Variants in ANKRD30BL observed in about 807,000 individuals in gnomAD.
The protein encoded by ANKRD30BL is ankyrin repeat domain 30B like.
In ANKRD30BL, 20 loss-of-function variants were observed where a neutral mutation model predicts 18.4. The ratio of observed to expected loss-of-function variants is 1.09; its 90% CI spans 0.77 to 1.58. The LOEUF (loss-of-function observed/expected upper bound fraction) is 1.58. Ranked by LOEUF, ANKRD30BL falls within the 40% of genes most tolerant of loss-of-function variation. ANKRD30BL has a pLI of 0.00. For missense variants in ANKRD30BL, 224 were observed against 268.6 expected (o/e 0.83, Z 1.16); for synonymous variants, 72 against 100.9 (o/e 0.71, Z 1.72).
intron 1 of ANKRD30BL, among the ~76,000 whole-genome samples, chr2:132,194,610 C>T (rs868631713): frequency 6.6e-6 from 1 of 152,186 alleles, no homozygotes; most frequent in African/African-American, 2.4e-5. Flanking sequence ...AATCAGCCTT[C>T]CTTCTCTCTT....
At chr2:132,237,625 A>T (rs1041852652) in intron 1 of ANKRD30BL, among the ~76,000 whole-genome samples, 3 of 152,076 alleles carry the variant, frequency 2.0e-5, no homozygotes, top group Non-Finnish European at 4.4e-5. Flanking sequence ...TCTTCACATA[A>T]AAACTAGACA....
intron 1 of ANKRD30BL, among the ~76,000 whole-genome samples, chr2:132,192,902 G>C (rs1198839073): frequency 2.6e-5 from 4 of 152,200 alleles, no homozygotes; most frequent in Non-Finnish European, 5.9e-5. Context: ...ATGGCCTAAG[G>C]CAGGAATATA....
At chr2:132,227,869 G>T (rs1484476114) in intron 1 of ANKRD30BL, among the ~76,000 whole-genome samples, 2 of 151,988 alleles carry the variant, frequency 1.3e-5, no homozygotes, top group Non-Finnish European at 2.9e-5. Context: ...TGTAGATTCT[G>T]TAAGTGGGCA....
intron 1 of ANKRD30BL, among the ~76,000 whole-genome samples, chr2:132,185,341 A>G (rs1688544804): frequency 6.6e-6 from 1 of 152,210 alleles, no homozygotes; most frequent in Non-Finnish European, 1.5e-5. Flanking sequence ...CTACCTGACC[A>G]TCGCCTGGCC....
intron 1 of ANKRD30BL, among the ~76,000 whole-genome samples, chr2:132,216,151 C>T (rs545856537): frequency 6.6e-6 from 1 of 151,882 alleles, no homozygotes; most frequent in Admixed American, 6.6e-5. Context: ...ATATTTGGAG[C>T]ACTTTGTGGC....
At chr2:132,168,944 C>T (rs1468518411) in intron 1 of ANKRD30BL, among the ~76,000 whole-genome samples, 1 of 151,156 alleles carries the variant, frequency 6.6e-6, no homozygotes. Flanking sequence ...GAAAGGGATA[C>T]ATTTTCTAAC....
chr2:132,203,451 A>G (rs1198872330), intron 1 of ANKRD30BL, among the ~76,000 whole-genome samples: 1 of 152,162 alleles, frequency 6.6e-6, no homozygotes, highest in African/African-American at 2.4e-5. Flanking sequence ...GAATTGCACT[A>G]TGTTCAATAG....
At chr2:132,239,787 C>G (rs1475131384) in intron 1 of ANKRD30BL, among the ~76,000 whole-genome samples, 1 of 150,608 alleles carries the variant, frequency 6.6e-6, no homozygotes, top group Non-Finnish European at 1.5e-5. Flanking sequence ...CGCTTTGAGG[C>G]CTAGGGTGAA....
At chr2:132,192,546 C>T (rs1397381079) in intron 1 of ANKRD30BL, among the ~76,000 whole-genome samples, 1 of 152,182 alleles carries the variant, frequency 6.6e-6, no homozygotes, top group Non-Finnish European at 1.5e-5. Context: ...CAAGTCATGA[C>T]ACCAGAAGGG....
chr2:132,157,204 C>T, intron 2 of ANKRD30BL, 58 bp from the exon 3 acceptor site: 1 of 1,233,836 alleles, frequency 8.1e-7, no homozygotes, highest in South Asian at 1.6e-5. Context: ...AATAAATATT[C>T]CACAGGTTTC....
At chr2:132,241,861 TA>T (rs1680340848) in intron 1 of ANKRD30BL, among the ~76,000 whole-genome samples, 2 of 152,052 alleles carry the variant, frequency 1.3e-5, no homozygotes, top group South Asian at 4.1e-4. Flanking sequence ...TATCTTCACA[TA>T]AAAACTAGAC....
At chr2:132,153,555 A>G in intron 4 of ANKRD30BL, 1 of 555,004 alleles carries the variant, frequency 1.8e-6, no homozygotes, top group Non-Finnish European at 3.5e-6. Context: ...GTAAACACTT[A>G]GAGATTAAAT....
chr2:132,168,247 T>C (rs1384305621), intron 1 of ANKRD30BL, among the ~76,000 whole-genome samples: 2 of 152,224 alleles, frequency 1.3e-5, no homozygotes, highest in Non-Finnish European at 2.9e-5. Flanking sequence ...ATTTGCCATT[T>C]TTATATTTCT....
chr2:132,170,774 C>T (rs527649438), intron 1 of ANKRD30BL, among the ~76,000 whole-genome samples: 3 of 152,326 alleles, frequency 2.0e-5, no homozygotes, highest in South Asian at 4.1e-4. Context: ...GGGAAGACTT[C>T]ACCTATGTGT....
chr2:132,256,979 CG>C, intron 1 of ANKRD30BL: 1 of 512,208 alleles, frequency 2.0e-6, no homozygotes, highest in South Asian at 1.4e-5. Context: ...ACCTCAGGCA[CG>C]GCCGGGCCAC....
At chr2:132,214,958 C>G (rs7580334) in intron 1 of ANKRD30BL, among the ~76,000 whole-genome samples, 1,655 of 152,082 alleles carry the variant, frequency 0.011, 5 homozygotes, top group African/African-American at 0.037. Flanking sequence ...TTTGTAGAAT[C>G]TGCAAGTGGA....
At chr2:132,221,807 C>T (rs1470174727) in intron 1 of ANKRD30BL, among the ~76,000 whole-genome samples, 18 of 111,012 alleles carry the variant, frequency 1.6e-4, no homozygotes, top group Admixed American at 7.5e-4. Flanking sequence ...CCGCCCCGTC[C>T]GGGAGGGAGG....
chr2:132,245,926 C>A (rs997005290), intron 1 of ANKRD30BL, among the ~76,000 whole-genome samples: 2 of 151,380 alleles, frequency 1.3e-5, no homozygotes, highest in Non-Finnish European at 3.0e-5. Flanking sequence ...ATTTGGAGCA[C>A]TTTGAGGCCT....
intron 1 of ANKRD30BL, among the ~76,000 whole-genome samples, chr2:132,211,820 C>G (rs533383997): frequency 5.4e-5 from 7 of 129,246 alleles, no homozygotes; most frequent in South Asian, 2.6e-4. Context: ...CCTTTCTTTT[C>G]ATTGAGCAGT....
Sources: allele counts gnomAD v4.1 joint callset (sites outside exome capture counted in the v4.1 genomes callset), GRCh38; gene constraint gnomAD v4.1.1; transcripts MANE v1.5; gene names NCBI Gene and HGNC (gene_info 2026-07-23, HGNC 2026-07-21).